The following ELP3 variants were observed in gnomAD, a reference collection of about 807,000 sequenced individuals.
The protein encoded by ELP3 is elongator complex protein 3.
In ELP3, 56 loss-of-function variants were observed where a neutral mutation model predicts 74.9. That is an observed-to-expected ratio of 0.75 (90% CI 0.60 to 0.93). ELP3 has a LOEUF of 0.93. Among genes scored for constraint, ELP3 ranks in the 40% least tolerant of loss-of-function variants. ELP3 has a pLI of 0.00. For missense variants in ELP3, 573 were observed against 686.5 expected, an observed-to-expected ratio of 0.83 and a Z score of 1.85; for synonymous variants, 222 against 239.8, an observed-to-expected ratio of 0.93 and a Z score of 0.68.
chr8:28,123,243 T>C (rs9987220), intron 7 of ELP3, among the ~76,000 whole-genome samples: 88,382 of 152,134 alleles, frequency 0.58, 27,490 homozygotes, highest in East Asian at 0.92. Context: ...CAAAATATTT[T>C]TTCATACCCT....
chr8:28,189,882 G>T lies in ELP3; in HGVS notation c.*157G>T. ...ACTGGAAACTGCCTTCAAGGCCACG[G>T]CTGGTCATCTGCTGACCACACCCCA... On this transcript the variant is annotated 3_prime_UTR_variant, in exon 15 of 15. Transcript: ENST00000256398. 1.4e-6 allele frequency: 1 copy of T among 729,128 alleles called. No individual in the cohort carries two copies. Among genetic ancestry groups the T allele is most frequent in the Non-Finnish European group, 2.2e-6 (1 of 446,348 alleles). The allele number at this position is 729,128 out of a possible 1,614,324, so 45.2% of individuals were successfully genotyped here.
chr8:28,119,569 G>A (rs1186926280), intron 7 of ELP3, among the ~76,000 whole-genome samples: 15 of 80,978 alleles, frequency 1.9e-4, no homozygotes, highest in Non-Finnish European at 2.7e-4. Context: ...AACTTGTGGC[G>A]TTTTATATAT....
At chr8:28,135,960 CT>C (rs1174760093) in intron 9 of ELP3, among the ~76,000 whole-genome samples, 326 of 140,996 alleles carry the variant, frequency 2.3e-3, no homozygotes, top group Non-Finnish European at 3.1e-3. Flanking sequence ...TTTCCTGTTC[CT>C]TTTTTTTTTT....
chr8:28,138,134 T>C (rs902489652), intron 10 of ELP3, among the ~76,000 whole-genome samples: 6 of 152,182 alleles, frequency 3.9e-5, no homozygotes, highest in Non-Finnish European at 8.8e-5. Context: ...TGACGGTCAA[T>C]AGGCATGGTG....
At chr8:28,120,567 G>C (rs1012847538) in intron 7 of ELP3, among the ~76,000 whole-genome samples, 30 of 152,190 alleles carry the variant, frequency 2.0e-4, no homozygotes, top group African/African-American at 7.0e-4. Context: ...GAATTTAGCA[G>C]TTGTTTTCTT....
intron 3 of ELP3, among the ~76,000 whole-genome samples, chr8:28,106,031 G>A (rs1161819284): frequency 6.6e-6 from 1 of 152,196 alleles, no homozygotes; most frequent in Non-Finnish European, 1.5e-5. Flanking sequence ...TAATTTCATA[G>A]AATTGCTTAA....
intron 11 of ELP3, among the ~76,000 whole-genome samples, chr8:28,156,381 A>G (rs1813829312): frequency 6.6e-6 from 1 of 152,242 alleles, no homozygotes; most frequent in South Asian, 2.1e-4. Flanking sequence ...TCATTTGAAA[A>G]GACAAGTATT....
chr8:28,097,224 C>T lies in ELP3; in HGVS notation c.25C>T (p.Leu9Phe), dbSNP rs1811285729. MRQKRKGD[L>F]SPAELMMLTI... The stretch of plus-strand genomic sequence containing the variant: ...GTTGAATATTAACTTTCCAGGAGAT[C>T]TCAGCCCTGCTGAGCTGATGATGCT... The change falls in exon 2 of 15, where the codon CTC becomes TTC. Residue 9 changes from leucine (L) to phenylalanine (F), a missense_variant. Physicochemically the swap from Leu to Phe is conservative, Grantham distance 22. Coordinates refer to ENST00000256398, the MANE Select transcript of ELP3 (RefSeq NM_018091.6). 1 of 1,599,378 alleles carries T rather than the reference C, an allele frequency of 6.3e-7. No homozygotes were observed. The highest frequency in any genetic ancestry group is 1.3e-5 in the African/African-American group (1 of 74,396).
At chr8:28,090,904 C>CT (rs71222535), upstream of ELP3, among the ~76,000 whole-genome samples, 1,535 of 77,248 alleles carry the variant, frequency 0.02, 22 homozygotes, top group Non-Finnish European at 0.032. Context: ...TAAATGTTTC[C>CT]TTTTTTTTTT....
Position 28,093,157 on chromosome 8 carries a change from T to C in ELP3, c.-58T>C. 2.5e-6 allele frequency: 4 copies of C among 1,601,546 alleles called. No homozygotes were observed. The highest frequency in any genetic ancestry group is 1.3e-5 in the African/African-American group (1 of 74,962). ...GTTTTGTGGCTGTCAGCTTTCCCCG[T>C]GGTCTGAGTTTGTGGCTGCATTTTT... On this transcript the variant is annotated 5_prime_UTR_variant, in exon 1 of 15. Transcript: ENST00000256398.
At chr8:28,185,605 G>GTAGA (rs1815207588) in intron 14 of ELP3, among the ~76,000 whole-genome samples, 2 of 152,178 alleles carry the variant, frequency 1.3e-5, no homozygotes, top group African/African-American at 4.8e-5. Context: ...TGGCTTCTTT[G>GTAGA]TAGATAGGGG....
upstream of ELP3, among the ~76,000 whole-genome samples, chr8:28,091,564 G>A (rs1308727171): frequency 1.3e-5 from 2 of 152,192 alleles, no homozygotes; most frequent in African/African-American, 2.4e-5. Context: ...CTCAATTCTA[G>A]TAGGGTACAT....
chr8:28,154,635 T>G (rs1178534630), intron 10 of ELP3, among the ~76,000 whole-genome samples: 1 of 152,160 alleles, frequency 6.6e-6, no homozygotes, highest in Non-Finnish European at 1.5e-5. Flanking sequence ...AACAGTAAAA[T>G]TTTAAAAATA....
chr8:28,105,783 C>G (rs1811664370), intron 3 of ELP3, among the ~76,000 whole-genome samples: 1 of 152,170 alleles, frequency 6.6e-6, no homozygotes, highest in Non-Finnish European at 1.5e-5. Context: ...AGTAAGAAGC[C>G]TGGCTTGCTT....
chr8:28,158,694 G>A, intron 12 of ELP3, 61 bp downstream of exon 12: 1 of 1,355,244 alleles, frequency 7.4e-7, no homozygotes, highest in Non-Finnish European at 1.1e-6. Context: ...CCAACCCTGG[G>A]CCCACATATT....
intron 14 of ELP3, among the ~76,000 whole-genome samples, chr8:28,182,557 G>A (rs1308046354): frequency 2.0e-5 from 3 of 151,974 alleles, no homozygotes; most frequent in South Asian, 2.1e-4. Flanking sequence ...GAGAGACTTC[G>A]TCTCAAAAAC....
chr8:28,150,503 G>GT (rs968917650), intron 10 of ELP3, among the ~76,000 whole-genome samples: 2 of 151,816 alleles, frequency 1.3e-5, no homozygotes, highest in South Asian at 4.2e-4. Context: ...GGTGGCGGGT[G>GT]TTTTTTTTCC....
At chr8:28,097,541 C>T (rs546874737) in intron 2 of ELP3, among the ~76,000 whole-genome samples, 48 of 151,888 alleles carry the variant, frequency 3.2e-4, no homozygotes, top group Non-Finnish European at 5.1e-4. Context: ...GGACTACAGG[C>T]GCCCGCCACC....
chr8:28,119,768 C>T (rs1019584744), intron 7 of ELP3, among the ~76,000 whole-genome samples: 3 of 151,788 alleles, frequency 2.0e-5, no homozygotes, highest in Admixed American at 1.3e-4. Context: ...TCCTCCCCTG[C>T]GCCTCCCAGA....
Sources: allele counts gnomAD v4.1 joint callset (sites outside exome capture counted in the v4.1 genomes callset), GRCh38; gene constraint gnomAD v4.1.1; transcripts MANE v1.5; gene names NCBI Gene and HGNC (gene_info 2026-07-23, HGNC 2026-07-21).